VRK2: variants seen among roughly 807,000 people sequenced by gnomAD.
VRK2 encodes VRK serine/threonine kinase 2.
Under a neutral mutation model 57.6 loss-of-function variants are expected in VRK2, and 60 were observed. The observed-to-expected ratio is 1.04, with a 90% CI of 0.85 to 1.29. VRK2 has a LOEUF of 1.29. Ranked by LOEUF, VRK2 falls within the 50% of genes most tolerant of loss-of-function variation. VRK2 has a pLI of 0.00. For missense variants in VRK2, 705 were observed against 588.1 expected, an observed-to-expected ratio of 1.20 and a Z score of -2.06; for synonymous variants, 231 against 199.2, an observed-to-expected ratio of 1.16 and a Z score of -1.35.
At chr2:58,158,570 T>TTTC (rs1294791736) in intron 12 of VRK2, among the ~76,000 whole-genome samples, 1 of 152,084 alleles carries the variant, frequency 6.6e-6, no homozygotes, top group Non-Finnish European at 1.5e-5. Context: ...GTTTTATAAA[T>TTTC]TTCTTCTCTT....
intron 1 of VRK2, among the ~76,000 whole-genome samples, chr2:57,931,612 A>G (rs1372908107): frequency 6.6e-6 from 1 of 152,084 alleles, no homozygotes; most frequent in Non-Finnish European, 1.5e-5. Context: ...GCAGAAATGT[A>G]TTAGTTCGAT....
At chr2:58,157,843 G>A (rs1418752666) in intron 12 of VRK2, among the ~76,000 whole-genome samples, 1 of 152,134 alleles carries the variant, frequency 6.6e-6, no homozygotes, top group Non-Finnish European at 1.5e-5. Flanking sequence ...TAGTGCAAAA[G>A]CCCACATAGA....
chr2:58,067,785 GAC>G (rs1668808118), intron 2 of VRK2, among the ~76,000 whole-genome samples: 2 of 152,014 alleles, frequency 1.3e-5, no homozygotes, highest in Non-Finnish European at 2.9e-5. Flanking sequence ...CTGAAGAAGA[GAC>G]ACACAATCTA....
At chr2:58,122,127 T>C (rs914874011) in intron 7 of VRK2, among the ~76,000 whole-genome samples, 7 of 152,246 alleles carry the variant, frequency 4.6e-5, no homozygotes, top group African/African-American at 1.7e-4. Context: ...TGCATTGATG[T>C]TCCATTCATA....
intron 2 of VRK2, among the ~76,000 whole-genome samples, chr2:58,069,007 T>A (rs575197800): frequency 6.6e-6 from 1 of 152,302 alleles, no homozygotes; most frequent in East Asian, 1.9e-4. Context: ...AACATCCCTG[T>A]CATTTTGTCA....
At chr2:58,067,937 T>TG (rs1668844500) in intron 2 of VRK2, among the ~76,000 whole-genome samples, 3 of 149,928 alleles carry the variant, frequency 2.0e-5, no homozygotes, top group Non-Finnish European at 4.5e-5. Flanking sequence ...GTTTTTGTTT[T>TG]GTTTTTTTTT....
At chr2:58,144,714 G>C (rs1681855259) in intron 11 of VRK2, among the ~76,000 whole-genome samples, 1 of 151,940 alleles carries the variant, frequency 6.6e-6, no homozygotes, top group South Asian at 2.1e-4. Context: ...TCAGAAGATG[G>C]TGACATAAAT....
chr2:58,001,980 T>A (rs1261587854), intron 1 of VRK2, among the ~76,000 whole-genome samples: 1 of 152,180 alleles, frequency 6.6e-6, no homozygotes, highest in African/African-American at 2.4e-5. Context: ...AACACCACTA[T>A]CAATTCTGTC....
intron 8 of VRK2, among the ~76,000 whole-genome samples, chr2:58,124,985 A>G (rs1678097176): frequency 6.6e-6 from 1 of 152,176 alleles, no homozygotes; most frequent in African/African-American, 2.4e-5. Context: ...AGAAATGAGA[A>G]TTAAATGCTC....
Position 58,131,912 on chromosome 2 carries a change from C to A in VRK2, c.781C>A (p.Gln261Lys). 1 of 1,614,060 alleles carries A rather than the reference C, an allele frequency of 6.2e-7. No homozygotes were observed. The highest frequency in any genetic ancestry group is 8.5e-7 in the Non-Finnish European group (1 of 1,179,952). ...EQNLKDPVAVQTAKTNLLDEL... is the reference protein window; with the variant it reads ...EQNLKDPVAVKTAKTNLLDEL... ...GAACCTGAAGGACCCTGTGGCTGTG[C>A]AGACTGCTAAAACAAAGTACAAATT... The change falls in exon 9 of 13, where the codon CAG (glutamine) becomes AAG (lysine). Residue 261 changes from glutamine to lysine, a missense_variant. Transcript: ENST00000340157.
intron 11 of VRK2, among the ~76,000 whole-genome samples, chr2:58,140,053 G>A (rs927144661): frequency 1.3e-5 from 2 of 152,036 alleles, no homozygotes; most frequent in African/African-American, 4.8e-5. Context: ...TACTATGAAA[G>A]AAAGCAGTCA....
intron 2 of VRK2, among the ~76,000 whole-genome samples, chr2:58,032,914 C>G (rs1027346216): frequency 6.6e-6 from 1 of 152,102 alleles, no homozygotes; most frequent in African/African-American, 2.4e-5. Context: ...AGTAGCAAAT[C>G]TGCTTCACGT....
intron 7 of VRK2, among the ~76,000 whole-genome samples, chr2:58,097,246 G>C (rs1472556460): frequency 6.6e-6 from 1 of 151,868 alleles, no homozygotes; most frequent in Admixed American, 6.6e-5. Context: ...TTTGTACTAA[G>C]AGTGGTGTTT....
chr2:57,929,810 A>C (rs1670660665), intron 1 of VRK2, among the ~76,000 whole-genome samples: 1 of 152,126 alleles, frequency 6.6e-6, no homozygotes, highest in Non-Finnish European at 1.5e-5. Flanking sequence ...CTTCACTTCA[A>C]GGCAATGGGT....
intron 1 of VRK2, among the ~76,000 whole-genome samples, chr2:57,983,071 G>A (rs1672481040): frequency 6.6e-6 from 1 of 152,090 alleles, no homozygotes. Flanking sequence ...ACTCTGTCCA[G>A]GGTTTCCAAC....
chr2:57,959,775 G>A (rs997855584), intron 1 of VRK2, among the ~76,000 whole-genome samples: 14 of 152,158 alleles, frequency 9.2e-5, no homozygotes, highest in Admixed American at 5.2e-4. Flanking sequence ...GAGAGATACT[G>A]TAGCTGGCAG....
At chr2:57,962,070 T>C (rs145507477) in intron 1 of VRK2, among the ~76,000 whole-genome samples, 16 of 152,248 alleles carry the variant, frequency 1.1e-4, no homozygotes, top group Non-Finnish European at 1.9e-4. Flanking sequence ...GAGTGAGACT[T>C]GTCTCTAAAA....
chr2:58,107,064 C>G (rs1258161671), intron 7 of VRK2, among the ~76,000 whole-genome samples: 1 of 151,942 alleles, frequency 6.6e-6, no homozygotes, highest in African/African-American at 2.4e-5. Context: ...ATGAGTGATT[C>G]TTGTGAACAT....
intron 10 of VRK2, among the ~76,000 whole-genome samples, chr2:58,136,150 A>G (rs1679976535): frequency 6.6e-6 from 1 of 152,106 alleles, no homozygotes; most frequent in South Asian, 2.1e-4. Context: ...TCATTTGTGG[A>G]GGAAAGGAAA....
Sources: allele counts gnomAD v4.1 joint callset (sites outside exome capture counted in the v4.1 genomes callset), GRCh38; gene constraint gnomAD v4.1.1; transcripts MANE v1.5; gene names NCBI Gene and HGNC (gene_info 2026-07-23, HGNC 2026-07-21).